Variants in SPATA17 observed in about 807,000 individuals in gnomAD.
SPATA17 encodes the protein spermatogenesis-associated protein 17.
Under a neutral mutation model 62.2 loss-of-function variants are expected in SPATA17, and 53 were observed. The ratio of observed to expected loss-of-function variants is 0.85; its 90% CI spans 0.68 to 1.07. The LOEUF (loss-of-function observed/expected upper bound fraction) is 1.07. Ranked by LOEUF, SPATA17 falls within the 50% of genes least tolerant of loss-of-function variation. The pLI is 0.00. For synonymous variants in SPATA17, 146 were observed against 146.8 expected (o/e 0.99, Z 0.04); for missense variants, 466 against 425.5 (o/e 1.10, Z -0.84).
intron 5 of SPATA17, among the ~76,000 whole-genome samples, chr1:217,722,296 A>G (rs903757865): frequency 7.2e-5 from 11 of 152,192 alleles, no homozygotes; most frequent in Non-Finnish European, 1.2e-4. Flanking sequence ...AACAACTTGC[A>G]TGTTGAAGTA....
chr1:217,721,816 C>T (rs955064765), intron 5 of SPATA17, among the ~76,000 whole-genome samples: 5 of 152,144 alleles, frequency 3.3e-5, no homozygotes, highest in Non-Finnish European at 7.4e-5. Context: ...TGTCTCAAGG[C>T]TGTCTTATAC....
intron 5 of SPATA17, among the ~76,000 whole-genome samples, chr1:217,690,898 A>G (rs1220375076): frequency 2.0e-5 from 3 of 146,924 alleles, no homozygotes; most frequent in African/African-American, 7.7e-5. Flanking sequence ...ATTGTGGGAC[A>G]TTTGGGTTGG....
chr1:217,710,188 C>T (rs1671825923), intron 5 of SPATA17, among the ~76,000 whole-genome samples: 1 of 151,982 alleles, frequency 6.6e-6, no homozygotes, highest in African/African-American at 2.4e-5. Flanking sequence ...CAAGAGTGGA[C>T]CTATTACAAA....
At chr1:217,835,354 T>TATTTC (rs1675236495) in intron 9 of SPATA17, among the ~76,000 whole-genome samples, 3 of 152,186 alleles carry the variant, frequency 2.0e-5, no homozygotes, top group Admixed American at 2.0e-4. Context: ...TTAATTTCAA[T>TATTTC]AGGATGTTCA....
Position 217,647,019 on chromosome 1 carries a change from C to G in SPATA17, c.69-1863C>G, listed in dbSNP as rs191516546. On this transcript the variant is annotated intron_variant, in intron 1 of 10. Coordinates refer to ENST00000366933, the MANE Select transcript of SPATA17 (RefSeq NM_138796.4). ...CCTTGGGCATATGACTATGCTTTCT[C>G]CACAGTGGTATCTTCTTCTGTCAAA... 1.1e-3 allele frequency among the ~76,000 whole-genome samples: 164 copies of G among 152,290 alleles called. 1 individual carries two copies. Among genetic ancestry groups the G allele is most frequent in the South Asian group, 3.7e-3 (18 of 4,834 alleles).
chr1:217,749,977 C>A (rs868509088), intron 6 of SPATA17, among the ~76,000 whole-genome samples: 1,922 of 34,746 alleles, frequency 0.055, 27 homozygotes, highest in Middle Eastern at 0.08. Context: ...CTCTCTCTCT[C>A]TCTCTCTCTA....
chr1:217,736,421 T>G (rs895863548), intron 5 of SPATA17, among the ~76,000 whole-genome samples: 1 of 152,230 alleles, frequency 6.6e-6, no homozygotes, highest in African/African-American at 2.4e-5. Context: ...AATATATCCA[T>G]AAATGTATGA....
intron 3 of SPATA17, among the ~76,000 whole-genome samples, chr1:217,663,092 G>C (rs1418589703): frequency 2.6e-5 from 4 of 152,104 alleles, no homozygotes; most frequent in Non-Finnish European, 4.4e-5. Flanking sequence ...ACTGGTAACT[G>C]GGAGAAAGAA....
At position 217,869,305 on chromosome 1, in the gene SPATA17, G is replaced by C. The variant is rs1182639400; in HGVS notation, c.*2286G>C. 1 of 152,106 alleles carries C rather than the reference G, an allele frequency of 6.6e-6. No individual in the cohort carries two copies. The highest frequency in any genetic ancestry group is 2.4e-5 in the African/African-American group (1 of 41,416). The allele number at this position is 152,106 out of a possible 1,614,324, so 9.4% of individuals were successfully genotyped here. A position where few individuals can be genotyped will look rare whatever the true frequency, so the allele number is the denominator to read the frequency against. ...GTTCAAAGAATTTATCTAAAGACCT[G>C]GAATCCATAGAAGGCTTTACCTGGA... On this transcript the variant is annotated 3_prime_UTR_variant, in exon 11 of 11. Transcript: ENST00000366933.
intron 1 of SPATA17, among the ~76,000 whole-genome samples, chr1:217,641,027 GA>G (rs760431257): frequency 6.6e-6 from 1 of 151,936 alleles, no homozygotes; most frequent in Non-Finnish European, 1.5e-5. Context: ...ACTTATTTGT[GA>G]AATAAACAGT....
chr1:217,814,974 T>C (rs1307704445), intron 9 of SPATA17, among the ~76,000 whole-genome samples: 1 of 152,174 alleles, frequency 6.6e-6, no homozygotes, highest in African/African-American at 2.4e-5. Flanking sequence ...GAATATGTTA[T>C]CTCTGCATTT....
At chr1:217,700,079 T>G (rs1445479828) in intron 5 of SPATA17, among the ~76,000 whole-genome samples, 1 of 152,188 alleles carries the variant, frequency 6.6e-6, no homozygotes, top group Admixed American at 6.5e-5. Flanking sequence ...ATAATAAACC[T>G]TAACGTTGGG....
At position 217,867,459 on chromosome 1, in the gene SPATA17, G is replaced by T. The variant is rs1328119714; in HGVS notation, c.*440G>T. 1.3e-5 allele frequency: 2 copies of T among 152,206 alleles called. No individual in the cohort carries two copies. Among genetic ancestry groups the T allele is most frequent in the Non-Finnish European group, 2.9e-5 (2 of 68,052 alleles). 9.4% of individuals were successfully genotyped at this position (152,206 alleles called of 1,614,324 possible). A position where few individuals can be genotyped will look rare whatever the true frequency, so the allele number is the denominator to read the frequency against. ...TGAAAGCTCTGCCCTGAGAAATAAT[G>T]ACTGATTATACCAGTTAGAAACCCT... On this transcript the variant is annotated 3_prime_UTR_variant, in exon 11 of 11. Coordinates refer to ENST00000366933, the MANE Select transcript of SPATA17 (RefSeq NM_138796.4).
At chr1:217,787,344 T>C (rs562504495) in intron 8 of SPATA17, among the ~76,000 whole-genome samples, 1 of 152,262 alleles carries the variant, frequency 6.6e-6, no homozygotes, top group East Asian at 1.9e-4. Context: ...GCCTCTAGGA[T>C]AAAGTTTAAT....
At chr1:217,651,216 T>C (rs1348134495) in intron 3 of SPATA17, 38 bp downstream of exon 3, 1 of 1,444,282 alleles carries the variant, frequency 6.9e-7, no homozygotes. Context: ...ATTTGAATTG[T>C]ACAATATGCT....
At chr1:217,794,564 G>T (rs1674088469) in intron 8 of SPATA17, among the ~76,000 whole-genome samples, 1 of 152,056 alleles carries the variant, frequency 6.6e-6, no homozygotes, top group Non-Finnish European at 1.5e-5. Context: ...CTAAAAATTA[G>T]ATAAATTGAA....
rs1170943651 is a variant in SPATA17 at position 217,663,664 on chromosome 1, A to G, written c.241-5369A>G. Among the ~76,000 whole-genome samples, 8 of 152,260 alleles carry G rather than the reference A, an allele frequency of 5.3e-5. No homozygotes were observed. The East Asian group carries it at 5.8e-4, about 11-fold the overall frequency. On this transcript the variant is annotated intron_variant, in intron 3 of 10. Transcript: ENST00000366933. ...ATTGTGCATGGCTTCTAAAGGTTTC[A>G]TTCTCATCACTTTAATGCATATATT...
At chr1:217,851,770 A>G (rs1305247173) in intron 9 of SPATA17, among the ~76,000 whole-genome samples, 3 of 152,186 alleles carry the variant, frequency 2.0e-5, no homozygotes, top group Admixed American at 2.0e-4. Flanking sequence ...ATACAGAAGG[A>G]GATAGACTGC....
At position 217,738,750 on chromosome 1, in the gene SPATA17, G is replaced by A. The variant is rs562338305; in HGVS notation, c.396-3225G>A. On this transcript the variant is annotated intron_variant, in intron 5 of 10. Transcript: ENST00000366933. ...GTGGATTACCTGAGGTCAGGAGTTT[G>A]AGACCAGCCTGGCCAACATGGCGAA... Among the ~76,000 whole-genome samples, 40 of 152,284 alleles carry A rather than the reference G, an allele frequency of 2.6e-4. 3 individuals carry two copies. The South Asian group carries it at 8.3e-3, about 32-fold the overall frequency.
Sources: allele counts gnomAD v4.1 joint callset (sites outside exome capture counted in the v4.1 genomes callset), GRCh38; gene constraint gnomAD v4.1.1; transcripts MANE v1.5; gene names NCBI Gene and HGNC (gene_info 2026-07-23, HGNC 2026-07-21).